The following CDH9 variants were observed in gnomAD, a reference collection of about 807,000 sequenced individuals.
The protein encoded by CDH9 is cadherin 9.
A neutral mutation model predicts 70.9 loss-of-function variants in CDH9; 28 were observed. That is an observed-to-expected ratio of 0.40 (90% CI 0.29 to 0.54). The LOEUF (loss-of-function observed/expected upper bound fraction) is 0.54, where lower values mean the gene tolerates loss of function less well. Ranked by LOEUF, CDH9 falls within the 20% of genes least tolerant of loss-of-function variation. The pLI is 0.59. For synonymous variants in CDH9, 409 were observed against 343.1 expected (o/e 1.19, Z -2.12); for missense variants, 874 against 984.4 (o/e 0.89, Z 1.50).
At chr5:27,032,136 C>T (rs188542854) in intron 1 of CDH9, among the ~76,000 whole-genome samples, 6 of 151,698 alleles carry the variant, frequency 4.0e-5, no homozygotes, top group Admixed American at 6.6e-5. Context: ...TTGATAAAAA[C>T]TTTCCATTTT....
rs70939787 is a variant in CDH9, at chr5:26,951,945, ATTTATTTTATTTTATTTTAT to A, written c.229-36041_229-36022del. On this transcript the variant is annotated intron_variant, in intron 2 of 11. Coordinates refer to ENST00000231021, the MANE Select transcript of CDH9 (RefSeq NM_016279.4). The stretch of plus-strand genomic sequence containing the variant: ...GTCCCCTTTCAACACTCATGTTAAA[ATTTATTTTATTTTATTTTAT>A]TTTATTTTATTTTATTTTATTTTAT... Among the ~76,000 whole-genome samples, 103 of 119,324 alleles carry A rather than the reference ATTTATTTTATTTTATTTTAT, an allele frequency of 8.6e-4. 1 individual carries two copies. The highest frequency in any genetic ancestry group is 3.1e-3 in the African/African-American group (100 of 32,074). The allele number at this position is 119,324 out of a possible 152,430, so 78.3% of individuals were successfully genotyped here. A position where few individuals can be genotyped will look rare whatever the true frequency, so the allele number is the denominator to read the frequency against.
intron 2 of CDH9, among the ~76,000 whole-genome samples, chr5:26,943,240 G>T (rs567840096): frequency 5.3e-5 from 8 of 152,216 alleles, no homozygotes; most frequent in African/African-American, 1.9e-4. Flanking sequence ...GGTGGGGCGC[G>T]GTAGCTTATG....
chr5:26,919,047 T>A (rs933489286), intron 2 of CDH9, among the ~76,000 whole-genome samples: 17 of 151,978 alleles, frequency 1.1e-4, no homozygotes, highest in African/African-American at 3.9e-4. Flanking sequence ...CAGTGAAAAT[T>A]CCTCCCACAG....
chr5:26,934,694 T>C (rs1304730714), intron 2 of CDH9, among the ~76,000 whole-genome samples: 1 of 152,148 alleles, frequency 6.6e-6, no homozygotes, highest in Non-Finnish European at 1.5e-5. Context: ...AATGCCATCA[T>C]CTACCACTGT....
chr5:27,001,946 G>A (rs1314356086), intron 1 of CDH9, among the ~76,000 whole-genome samples: 1 of 151,424 alleles, frequency 6.6e-6, no homozygotes, highest in African/African-American at 2.4e-5. Context: ...AGTGACCAAA[G>A]TTGGAAAAAC....
At chr5:26,908,586 T>C (rs907195142) in intron 3 of CDH9, among the ~76,000 whole-genome samples, 2 of 152,342 alleles carry the variant, frequency 1.3e-5, no homozygotes, top group Middle Eastern at 3.4e-3. Flanking sequence ...CAATCTTTTA[T>C]GTTTATTTGA....
At chr5:26,896,934 A>G (rs1740762158) in intron 7 of CDH9, among the ~76,000 whole-genome samples, 1 of 152,116 alleles carries the variant, frequency 6.6e-6, no homozygotes, top group African/African-American at 2.4e-5. Context: ...AGACTAATAA[A>G]GAAGAAAAGA....
intron 2 of CDH9, among the ~76,000 whole-genome samples, chr5:26,931,452 A>T (rs1741460521): frequency 6.6e-6 from 1 of 152,194 alleles, no homozygotes; most frequent in Non-Finnish European, 1.5e-5. Context: ...ATACAGAAAG[A>T]GGTGAAAGTT....
chr5:26,986,664 C>T (rs1373744731), intron 2 of CDH9, among the ~76,000 whole-genome samples: 1 of 152,106 alleles, frequency 6.6e-6, no homozygotes, highest in Non-Finnish European at 1.5e-5. Context: ...TTCTGTAAGG[C>T]CCTGTGACCT....
chr5:26,975,977 T>C (rs983352441), intron 2 of CDH9, among the ~76,000 whole-genome samples: 2 of 152,190 alleles, frequency 1.3e-5, no homozygotes, highest in East Asian at 3.9e-4. Flanking sequence ...GAGTGAAACC[T>C]CCAGGTCTCT....
intron 1 of CDH9, among the ~76,000 whole-genome samples, chr5:27,012,161 C>T (rs1742970145): frequency 6.6e-6 from 1 of 151,930 alleles, no homozygotes; most frequent in Non-Finnish European, 1.5e-5. Context: ...ACAACCTATG[C>T]ACTTCTCCCA....
chr5:26,925,018 G>A (rs919180588), intron 2 of CDH9, among the ~76,000 whole-genome samples: 1 of 152,096 alleles, frequency 6.6e-6, no homozygotes, highest in East Asian at 1.9e-4. Context: ...ACATACGTGT[G>A]CATGTGTCTT....
intron 7 of CDH9, among the ~76,000 whole-genome samples, chr5:26,897,014 A>G (rs551137292): frequency 1.3e-5 from 2 of 152,248 alleles, no homozygotes; most frequent in African/African-American, 4.8e-5. Context: ...AGAAATACAA[A>G]CTACCATTAG....
intron 3 of CDH9, among the ~76,000 whole-genome samples, chr5:26,914,408 T>G (rs1741113010): frequency 1.3e-5 from 2 of 151,964 alleles, no homozygotes. Flanking sequence ...TCTAGTACTT[T>G]CCATGCAACT....
In CDH9 at chr5:26,940,579, G is replaced by T. The variant is rs937109323; in HGVS notation, c.229-24655C>A. Among the ~76,000 whole-genome samples, 2 of 152,102 alleles carry T rather than the reference G, an allele frequency of 1.3e-5. 1 individual carries two copies. The highest frequency in any genetic ancestry group is 4.1e-4 in the South Asian group (2 of 4,836). On this transcript the variant is annotated intron_variant, in intron 2 of 11. Coordinates refer to ENST00000231021, the MANE Select transcript of CDH9 (RefSeq NM_016279.4). ...TTCAGGACCTGGCCCAAGCCCAAAT[G>T]CCTCTTTTACTAAGGAAATATCCAA... is the stretch of plus-strand genomic sequence containing the variant.
chr5:26,908,510 T>C (rs1740988355), intron 3 of CDH9, among the ~76,000 whole-genome samples: 1 of 152,192 alleles, frequency 6.6e-6, no homozygotes, highest in African/African-American at 2.4e-5. Flanking sequence ...TTTCTTGAGT[T>C]ACCCATTTTA....
rs1490543922 is a variant in CDH9 at position 26,885,671 on chromosome 5, C to T, written c.1825G>A (p.Ala609Thr). Residue 609 changes from alanine to threonine, a missense_variant, in exon 11 of 12, where the codon GCC (alanine) becomes ACC (threonine). By Grantham distance (58) the Ala-to-Thr change is moderately conservative. Transcript: ENST00000231021. ...ACGAGAGCTCCCGTGCTCAGGCCGG[C>T]TGAAAGGATCAGGGCTTCTGCGGTG... The part of the protein sequence containing the change: ...SCTAEALILS[A>T]GLSTGALVAI... 1.9e-6 allele frequency: 3 copies of T among 1,613,614 alleles called. No homozygotes were observed. The highest frequency in any genetic ancestry group is 1.1e-5 in the South Asian group (1 of 91,068).
intron 2 of CDH9, among the ~76,000 whole-genome samples, chr5:26,981,838 C>A (rs914856639): frequency 4.0e-5 from 6 of 151,634 alleles, no homozygotes; most frequent in African/African-American, 9.7e-5. Context: ...GACAACTTAC[C>A]CTTGTCTTAG....
Position 26,886,055 on chromosome 5 carries a change from T to G in CDH9, c.1541A>C (p.Lys514Thr). Residue 514 changes from lysine (K) to threonine (T), a missense_variant, in exon 10 of 12, where the codon AAG becomes ACG. By Grantham distance (78) the Lys-to-Thr change is moderately conservative (BLOSUM62 -1). Transcript: ENST00000231021. ...TTTGTGACCTCGGGGAGGGTCATCCTTATCCATGACACTGACAGTCTGAAT... is the reference window on the plus strand; with the variant it reads ...TTTGTGACCTCGGGGAGGGTCATCCGTATCCATGACACTGACAGTCTGAAT... ...QLIQTVSVMD[K>T]DDPPRGHKFF... 6.2e-7 allele frequency: 1 copy of G among 1,607,432 alleles called. No homozygotes were observed. Among genetic ancestry groups the G allele is most frequent in the Non-Finnish European group, 8.5e-7 (1 of 1,178,374 alleles).
Sources: gnomAD v4.1 joint callset for allele counts (sites outside exome capture counted in the v4.1 genomes callset) on GRCh38, gnomAD v4.1.1 for gene constraint, MANE v1.5 for transcripts, NCBI Gene and HGNC (gene_info 2026-07-23, HGNC 2026-07-21) for gene names.